NRG3: variants seen among roughly 807,000 people sequenced by gnomAD.
The protein encoded by NRG3 is pro-neuregulin-3, membrane-bound isoform.
NRG3 carries 31 observed loss-of-function variants against 66.9 expected under a neutral mutation model. The observed-to-expected ratio is 0.46, with a 90% confidence interval of 0.35 to 0.63. The LOEUF is 0.63. NRG3 is among the 20% of genes least tolerant of loss of function. NRG3 has a pLI of 0.00. For missense variants in NRG3, 910 were observed against 878.9 expected (o/e 1.04, Z -0.45); for synonymous variants, 393 against 359.4 (o/e 1.09, Z -1.06).
At chr10:81,913,400 C>T (rs1845361259) in intron 1 of NRG3, among the ~76,000 whole-genome samples, 1 of 151,918 alleles carries the variant, frequency 6.6e-6, no homozygotes, top group Non-Finnish European at 1.5e-5. Context: ...TTACCCAGCA[C>T]CATACTCTCA....
intron 1 of NRG3, among the ~76,000 whole-genome samples, chr10:82,163,314 G>A (rs918919823): frequency 1.3e-5 from 2 of 152,034 alleles, no homozygotes; most frequent in African/African-American, 4.8e-5. Flanking sequence ...TGCACCTTAA[G>A]CTCTGCCATT....
At chr10:82,785,213 G>A (rs2060299823) in intron 3 of NRG3, among the ~76,000 whole-genome samples, 2 of 151,698 alleles carry the variant, frequency 1.3e-5, no homozygotes, top group African/African-American at 4.8e-5. Flanking sequence ...GTGGGGTAGG[G>A]GGAAGGGGGA....
intron 2 of NRG3, among the ~76,000 whole-genome samples, chr10:82,386,255 T>A (rs964993982): frequency 7.9e-5 from 12 of 152,182 alleles, no homozygotes; most frequent in African/African-American, 2.9e-4. Context: ...GGCATGAAAG[T>A]GTTCTTTGGC....
chr10:82,148,928 A>G (rs1018875334), intron 1 of NRG3, among the ~76,000 whole-genome samples: 3 of 152,072 alleles, frequency 2.0e-5, no homozygotes, highest in Non-Finnish European at 2.9e-5. Flanking sequence ...CAAACTGGCA[A>G]TATAAATGAG....
intron 1 of NRG3, among the ~76,000 whole-genome samples, chr10:82,076,201 C>T (rs2065080334): frequency 6.6e-6 from 1 of 152,144 alleles, no homozygotes; most frequent in Non-Finnish European, 1.5e-5. Context: ...TAAGTCTTCA[C>T]AGTGCAGGTC....
chr10:82,798,981 T>C (rs1203057170), intron 3 of NRG3, among the ~76,000 whole-genome samples: 8 of 152,194 alleles, frequency 5.3e-5, no homozygotes, highest in African/African-American at 1.9e-4. Context: ...ATACTCAAGG[T>C]TCATAGGATA....
intron 2 of NRG3, among the ~76,000 whole-genome samples, chr10:82,644,717 C>T (rs1313828347): frequency 1.3e-5 from 2 of 152,066 alleles, no homozygotes; most frequent in East Asian, 1.9e-4. Flanking sequence ...TGTCTATGGA[C>T]GGGGATGATT....
At position 82,190,413 on chromosome 10, in the gene NRG3, A is replaced by C. The variant is rs143586719; in HGVS notation, c.824-168326A>C. On this transcript the variant is annotated intron_variant, in intron 1 of 8. Coordinates refer to ENST00000372141, the MANE Select transcript of NRG3 (RefSeq NM_001010848.4). ...ATAATTTAAGTACTTTCTCTTAATT[A>C]TTTTATAAAATGTATGGTGTTTTAA... Among the ~76,000 whole-genome samples the C allele has an allele frequency of 8.5e-5, 13 of 152,288 alleles. No homozygotes were observed. The East Asian group carries it at 2.5e-3, about 29-fold the overall frequency.
chr10:81,876,407 T>C (rs924626429), intron 1 of NRG3, among the ~76,000 whole-genome samples: 24 of 152,080 alleles, frequency 1.6e-4, no homozygotes, highest in Non-Finnish European at 3.5e-4. Flanking sequence ...GGCCCCACTT[T>C]AGCGGGTCCC....
chr10:82,743,968 A>T (rs1384194794), intron 3 of NRG3, among the ~76,000 whole-genome samples: 1 of 152,222 alleles, frequency 6.6e-6, no homozygotes, highest in African/African-American at 2.4e-5. Context: ...TTTTGTTCTA[A>T]TTCTGTGACC....
chr10:82,779,954 G>T (rs1397900656), intron 3 of NRG3, among the ~76,000 whole-genome samples: 1 of 138,248 alleles, frequency 7.2e-6, no homozygotes, highest in Non-Finnish European at 1.5e-5. Flanking sequence ...TCCCACTTAT[G>T]AGTGAGAACA....
intron 2 of NRG3, among the ~76,000 whole-genome samples, chr10:82,667,174 C>T (rs1000555200): frequency 6.6e-6 from 1 of 152,098 alleles, no homozygotes; most frequent in African/African-American, 2.4e-5. Flanking sequence ...CAAAACATAA[C>T]CTAAAGCCCA....
At chr10:82,120,515 A>G (rs2068018191) in intron 1 of NRG3, among the ~76,000 whole-genome samples, 1 of 152,292 alleles carries the variant, frequency 6.6e-6, no homozygotes, top group South Asian at 2.1e-4. Context: ...GATAAGATGC[A>G]TGATACCTCC....
At chr10:81,983,947 TA>T (rs2060428429) in intron 1 of NRG3, among the ~76,000 whole-genome samples, 1 of 152,144 alleles carries the variant, frequency 6.6e-6, no homozygotes, top group Non-Finnish European at 1.5e-5. Context: ...TGAACTGCTA[TA>T]ATCACAGTTG....
intron 2 of NRG3, among the ~76,000 whole-genome samples, chr10:82,668,895 T>TC (rs1437087388): frequency 6.6e-6 from 1 of 152,160 alleles, no homozygotes; most frequent in Non-Finnish European, 1.5e-5. Flanking sequence ...GAGTTTAGCC[T>TC]CATGATATTG....
At chr10:82,792,278 A>G (rs1162830744) in intron 3 of NRG3, among the ~76,000 whole-genome samples, 1 of 152,168 alleles carries the variant, frequency 6.6e-6, no homozygotes, top group African/African-American at 2.4e-5. Context: ...TATCATCTGG[A>G]AGTACTCTTC....
intron 1 of NRG3, among the ~76,000 whole-genome samples, chr10:81,958,480 G>C (rs1300415095): frequency 6.6e-6 from 1 of 152,190 alleles, no homozygotes; most frequent in East Asian, 1.9e-4. Flanking sequence ...ACTTGAAACT[G>C]TCAAGGAATT....
At chr10:82,324,952 T>C (rs2081785494) in intron 1 of NRG3, among the ~76,000 whole-genome samples, 2 of 152,206 alleles carry the variant, frequency 1.3e-5, no homozygotes, top group Non-Finnish European at 1.5e-5. Flanking sequence ...GTTTTCTATA[T>C]CTCCACTGAT....
chr10:81,884,734 G>A lies in NRG3; in HGVS notation c.823+8571G>A, dbSNP rs529748437. On this transcript the variant is annotated intron_variant, in intron 1 of 8. Transcript: ENST00000372141. The stretch of plus-strand genomic sequence containing the variant: ...GCATCCTAGGATTTTGATATCCTGG[G>A]GGAGAGGAATCCTGGAACTATTCCC... Among the ~76,000 whole-genome samples the A allele has an allele frequency of 3.3e-5, 5 of 152,186 alleles. No homozygotes were observed. The South Asian group carries it at 1.0e-3, about 32-fold the overall frequency.
Sources: allele counts gnomAD v4.1 joint callset (sites outside exome capture counted in the v4.1 genomes callset), GRCh38; gene constraint gnomAD v4.1.1; transcripts MANE v1.5; gene names NCBI Gene and HGNC (gene_info 2026-07-23, HGNC 2026-07-21).